Variants in ARVCF observed in about 807,000 individuals in gnomAD.
ARVCF encodes the protein ARVCF delta catenin family member, also known as splicing regulator ARVCF.
In ARVCF, 66 loss-of-function variants were observed where a neutral mutation model predicts 90.9. That is an observed-to-expected ratio of 0.73 (90% CI 0.60 to 0.89). The LOEUF is 0.89. ARVCF is among the 40% of genes least tolerant of loss of function. The pLI is 0.00. For missense variants in ARVCF, 1,469 were observed against 1,382.3 expected (o/e 1.06, Z -1.00); for synonymous variants, 653 against 603.4 (o/e 1.08, Z -1.21).
Position 19,990,711 on chromosome 22 carries a change from C to T in ARVCF, c.84G>A (p.Arg28=). ...CATGGCGCCGCTCCTGCTCCAGTGCCCGTGTCAGCCTCTCGAAGCGGGCCT... is the reference window on the plus strand; with the variant it reads ...CATGGCGCCGCTCCTGCTCCAGTGCTCGTGTCAGCCTCTCGAAGCGGGCCT... ...EQEARFERLT[R]ALEQERRHVA... Residue 28 remains arginine (R), a synonymous_variant, in exon 3 of 20, where the codon CGG becomes CGA. Transcript: ENST00000263207. 1 of 1,597,364 alleles carries T rather than the reference C, an allele frequency of 6.3e-7. No homozygotes were observed. Among genetic ancestry groups the T allele is most frequent in the South Asian group, 1.1e-5 (1 of 88,666 alleles).
intron 2 of ARVCF, among the ~76,000 whole-genome samples, chr22:20,000,149 C>T (rs994300986): frequency 1.3e-5 from 2 of 152,214 alleles, no homozygotes; most frequent in Admixed American, 6.5e-5. Context: ...CTTGACCCAG[C>T]ATGAAGTAGA....
At chr22:19,975,301 G>A (rs1450151000) in intron 11 of ARVCF, among the ~76,000 whole-genome samples, 1 of 152,210 alleles carries the variant, frequency 6.6e-6, no homozygotes, top group African/African-American at 2.4e-5. Flanking sequence ...CTCTGAACCT[G>A]GATGTGAGCA....
chr22:19,986,045 T>C (rs910048718), intron 3 of ARVCF, among the ~76,000 whole-genome samples: 1 of 152,230 alleles, frequency 6.6e-6, no homozygotes, highest in Non-Finnish European at 1.5e-5. Flanking sequence ...TGGAGCTTAC[T>C]TCTCCACACA....
intron 10 of ARVCF, 21 bp downstream of exon 10, chr22:19,976,685 G>A (rs1943172957): frequency 2.6e-6 from 4 of 1,556,078 alleles, no homozygotes; most frequent in Non-Finnish European, 3.5e-6. Flanking sequence ...GGCCTGGAGA[G>A]CAGGATAAAA....
At chr22:19,968,744 C>T (rs768200645), downstream of ARVCF, 1 of 1,608,700 alleles carries the variant, frequency 6.2e-7, no homozygotes, top group South Asian at 1.1e-5. Flanking sequence ...TGACTGCCCC[C>T]CCGGCCCCCC....
chr22:20,010,049 G>C (rs1212054035), intron 2 of ARVCF, among the ~76,000 whole-genome samples: 2 of 152,164 alleles, frequency 1.3e-5, no homozygotes, highest in African/African-American at 4.8e-5. Flanking sequence ...TCCAGTCTCT[G>C]GGGGGCAAGC....
chr22:19,970,245 T>C lies in ARVCF; in HGVS notation c.*511A>G, dbSNP rs1942674417. The C allele has an allele frequency of 9.1e-6, 9 of 989,064 alleles. No individual in the cohort carries two copies. Among genetic ancestry groups the C allele is most frequent in the Non-Finnish European group, 9.6e-6 (8 of 831,994 alleles). 61.3% of individuals were successfully genotyped at this position (989,064 alleles called of 1,614,324 possible). ...AGCTTCCTTGCCCAGGGCTGGGCCT[T>C]GTGGGGCACCCCCCACACCGTGGTC... On this transcript the variant is annotated 3_prime_UTR_variant, in exon 20 of 20. Transcript: ENST00000263207.
At chr22:19,977,345 T>C (rs1943212172) in intron 9 of ARVCF, 70 bp downstream of exon 9, 1 of 1,456,916 alleles carries the variant, frequency 6.9e-7, no homozygotes, top group South Asian at 1.5e-5. Flanking sequence ...CTGCTGTGGG[T>C]GTACAGAGAG....
chr22:19,980,182 T>G lies in ARVCF; in HGVS notation c.957A>C (p.Pro319=), dbSNP rs1446558926. 1.3e-5 allele frequency: 21 copies of G among 1,569,824 alleles called. No homozygotes were observed. Among genetic ancestry groups the G allele is most frequent in the African/African-American group, 2.7e-5 (2 of 73,914 alleles). ...GELADERPAF[P]MVTAPLAQPE... ...GCTGGGCCAGGGGCGCCGTCACCAT[T>G]GGGAACGCAGGCCGCTCGTCCGCCA... The change falls in exon 6 of 20, where the codon CCA becomes CCC. Residue 319 remains proline, a synonymous_variant. Coordinates refer to ENST00000263207, the MANE Select transcript of ARVCF (RefSeq NM_001670.3).
In ARVCF at chr22:19,997,543, G is replaced by A. The variant is rs187337053; in HGVS notation, c.-18-6731C>T. 1.6e-3 allele frequency among the ~76,000 whole-genome samples: 238 copies of A among 152,328 alleles called. 1 individual carries two copies. Among genetic ancestry groups the A allele is most frequent in the African/African-American group, 5.5e-3 (228 of 41,568 alleles). The stretch of plus-strand genomic sequence containing the variant: ...CAAAACAGCCCCCAATGCCCTTCCT[G>A]TGCCTGACCCAGACTCTAGCTACAG... On this transcript the variant is annotated intron_variant, in intron 2 of 19. Transcript: ENST00000263207.
At chr22:19,979,314 C>T in intron 6 of ARVCF, 4 of 565,352 alleles carry the variant, frequency 7.1e-6, no homozygotes, top group Non-Finnish European at 1.2e-5. Context: ...TGTCCCGTCC[C>T]ACCCATTCCC....
At position 19,973,337 on chromosome 22, in the gene ARVCF, G is replaced by A. The variant is rs775022836; in HGVS notation, c.2240-20C>T. 3.8e-6 allele frequency: 6 copies of A among 1,575,764 alleles called. No individual in the cohort carries two copies. The highest frequency in any genetic ancestry group is 5.1e-6 in the Non-Finnish European group (6 of 1,166,076). On this transcript the variant is annotated intron_variant, in intron 13 of 19. Coordinates refer to ENST00000263207, the MANE Select transcript of ARVCF (RefSeq NM_001670.3). Reference sequence around the variant, plus strand: ...AGCTCCCTGAGGGGCAGGACTAGGTGTCAGAACACACCTCTGCCCCACCTC... The same window carrying A: ...AGCTCCCTGAGGGGCAGGACTAGGTATCAGAACACACCTCTGCCCCACCTC...
At position 19,983,661 on chromosome 22, in the gene ARVCF, A is replaced by G. The variant is rs920055703; in HGVS notation, c.211-1570T>C. On this transcript the variant is annotated intron_variant, in intron 3 of 19. Coordinates refer to ENST00000263207, the MANE Select transcript of ARVCF (RefSeq NM_001670.3). The stretch of plus-strand genomic sequence containing the variant: ...GGGGAAACTGAGGCCTGGCAGGGGG[A>G]AGAGGATTTACCTAGAACTTCACAG... The G allele has an allele frequency of 2.6e-5, 4 of 152,174 alleles. No individual in the cohort carries two copies. In the East Asian group the frequency reaches 7.7e-4, roughly 29 times the overall value. 9.4% of individuals were successfully genotyped at this position (152,174 alleles called of 1,614,324 possible). A position where few individuals can be genotyped will look rare whatever the true frequency, so the allele number is the denominator to read the frequency against.
intron 2 of ARVCF, among the ~76,000 whole-genome samples, chr22:20,007,466 G>A (rs139196516): frequency 5.3e-5 from 8 of 152,320 alleles, no homozygotes; most frequent in African/African-American, 1.4e-4. Flanking sequence ...AATCCTTGCC[G>A]TCCATTTACA....
intron 2 of ARVCF, among the ~76,000 whole-genome samples, chr22:20,006,007 A>C (rs1409935342): frequency 1.3e-5 from 2 of 152,224 alleles, no homozygotes; most frequent in Non-Finnish European, 2.9e-5. Context: ...TAAGTGAAAT[A>C]AGCCAGTCAC....
Position 19,972,935 on chromosome 22 carries a change from G to A in ARVCF, c.2540C>T (p.Ala847Val), listed in dbSNP as rs147372581. The change falls in exon 15 of 20, where the codon GCG (alanine) becomes GTG (valine). Residue 847 changes from alanine to valine, a missense_variant. Coordinates refer to ENST00000263207, the MANE Select transcript of ARVCF (RefSeq NM_001670.3). ...GTLQKDGWTK[A>V]RFQSAAATAK... The stretch of plus-strand genomic sequence containing the variant: ...CCAGGGAAGCCGCACCTGGAAGCGC[G>A]CCTTGGTCCAACCATCTTTCTGCAA... 3.7e-6 allele frequency: 6 copies of A among 1,613,770 alleles called. No individual in the cohort carries two copies. The highest frequency in any genetic ancestry group is 5.1e-6 in the Non-Finnish European group (6 of 1,180,038).
rs1365343165 is a variant in ARVCF, at chr22:19,972,831, A to G, written c.2551-4T>C. 1.2e-6 allele frequency: 2 copies of G among 1,613,498 alleles called. No homozygotes were observed. Among genetic ancestry groups the G allele is most frequent in the Admixed American group, 1.7e-5 (1 of 59,992 alleles). On this transcript the variant is annotated splice_polypyrimidine_tract_variant and splice_region_variant and intron_variant, in intron 15 of 19. Transcript: ENST00000263207. The stretch of plus-strand genomic sequence containing the variant: ...CCTTGGCAGTAGCAGCAGCTGACTG[A>G]GACATAAAACACAGACACAGGGTGG...
chr22:19,992,613 G>C (rs1008602595), intron 2 of ARVCF, among the ~76,000 whole-genome samples: 2 of 152,206 alleles, frequency 1.3e-5, no homozygotes, highest in Admixed American at 6.5e-5. Flanking sequence ...CCTGGCTGCA[G>C]CACCAGCCCA....
At chr22:19,966,906 C>T (rs1334571300), downstream of ARVCF, 4 of 974,450 alleles carry the variant, frequency 4.1e-6, no homozygotes, top group Non-Finnish European at 4.9e-6. Flanking sequence ...CATAGTGTCA[C>T]CTGCTCCTCT....
Sources: gnomAD v4.1 joint callset for allele counts (sites outside exome capture counted in the v4.1 genomes callset) on GRCh38, gnomAD v4.1.1 for gene constraint, MANE v1.5 for transcripts, NCBI Gene and HGNC (gene_info 2026-07-23, HGNC 2026-07-21) for gene names.